The following OPCML variants were observed in gnomAD, a reference collection of about 807,000 sequenced individuals.
OPCML encodes the protein opioid binding protein/cell adhesion molecule like.
Under a neutral mutation model 37.8 loss-of-function variants are expected in OPCML, and 13 were observed. The observed-to-expected ratio is 0.34, with a 90% CI of 0.22 to 0.55. The LOEUF is 0.55. Among genes scored for constraint, OPCML ranks in the 20% least tolerant of loss-of-function variants. OPCML has a pLI of 0.91. For synonymous variants in OPCML, 176 were observed against 168.8 expected, an observed-to-expected ratio of 1.04 and a Z score of -0.33; for missense variants, 341 against 435.6, an observed-to-expected ratio of 0.78 and a Z score of 1.93.
At chr11:132,811,556 T>A (rs1939342716) in intron 2 of OPCML, among the ~76,000 whole-genome samples, 1 of 152,188 alleles carries the variant, frequency 6.6e-6, no homozygotes. Flanking sequence ...CCTCTTTCTT[T>A]CGGTTACGGT....
chr11:132,502,984 G>A (rs140593259), intron 4 of OPCML, among the ~76,000 whole-genome samples: 25 of 152,252 alleles, frequency 1.6e-4, no homozygotes, highest in Non-Finnish European at 7.4e-5. Context: ...GGTGACTGAT[G>A]GGCTCCATTT....
chr11:132,943,205 G>A lies in OPCML; in HGVS notation c.62-195C>T, dbSNP rs1175765286. On this transcript the variant is annotated intron_variant, in intron 1 of 7. Coordinates refer to ENST00000524381, the MANE Select transcript of OPCML (RefSeq NM_001012393.5). This position sits in a 1 kb window ranked among gnomAD's most constrained non-coding sequence, Gnocchi z 4.3. ...GGGGAGGAGGGAAGGGGCAGAGTTC[G>A]CCAGGAGCAGGGGGAAGGAGAAGAG... The A allele has an allele frequency of 1.3e-6, 2 of 1,508,472 alleles. No homozygotes were observed. Among genetic ancestry groups the A allele is most frequent in the East Asian group, 2.3e-5 (1 of 43,220 alleles). 93.4% of individuals were successfully genotyped at this position (1,508,472 alleles called of 1,614,324 possible).
chr11:132,814,565 T>C (rs1377423902), intron 2 of OPCML, among the ~76,000 whole-genome samples: 1 of 152,178 alleles, frequency 6.6e-6, no homozygotes, highest in Admixed American at 6.5e-5. Context: ...ATAGACTGGA[T>C]TGTGACTACT....
At chr11:132,508,821 G>A in intron 4 of OPCML, among the ~76,000 whole-genome samples, 1 of 152,030 alleles carries the variant, frequency 6.6e-6, no homozygotes. Flanking sequence ...CCCAGTCTTG[G>A]GTATGTCTTT....
At chr11:133,307,675 A>T (rs890419171) in intron 1 of OPCML, among the ~76,000 whole-genome samples, 1 of 152,142 alleles carries the variant, frequency 6.6e-6, no homozygotes, top group Non-Finnish European at 1.5e-5. Context: ...TAGGTTTTAG[A>T]TGTTCTTATC....
chr11:132,620,429 T>C (rs1939328876), intron 3 of OPCML, among the ~76,000 whole-genome samples: 1 of 152,224 alleles, frequency 6.6e-6, no homozygotes, highest in Non-Finnish European at 1.5e-5. Flanking sequence ...CTTACTGCTG[T>C]GTCCCTAGAA....
chr11:133,408,450 A>T (rs1388757955), intron 1 of OPCML, among the ~76,000 whole-genome samples: 4 of 152,212 alleles, frequency 2.6e-5, no homozygotes, highest in African/African-American at 9.6e-5. Context: ...GTTTATTGTC[A>T]TGCATTTGGA....
At chr11:133,104,440 A>G (rs531634450) in intron 1 of OPCML, among the ~76,000 whole-genome samples, 4 of 152,336 alleles carry the variant, frequency 2.6e-5, no homozygotes, top group African/African-American at 9.6e-5. Context: ...GGAAAAAAAG[A>G]AGAACATTTT....
At chr11:132,759,063 T>C (rs989754361) in intron 2 of OPCML, among the ~76,000 whole-genome samples, 1 of 152,220 alleles carries the variant, frequency 6.6e-6, no homozygotes, top group Non-Finnish European at 1.5e-5. Flanking sequence ...AATAATCATG[T>C]GGTTTTGTCA....
intron 1 of OPCML, chr11:133,025,583 TTTTAA>T (rs1947538274): frequency 1.9e-6 from 1 of 526,838 alleles, no homozygotes. Context: ...TTTCTTATTA[TTTTAA>T]TTTCATTCTT....
chr11:132,936,286 C>T (rs915928725), intron 2 of OPCML, among the ~76,000 whole-genome samples: 1 of 152,090 alleles, frequency 6.6e-6, no homozygotes, highest in Non-Finnish European at 1.5e-5. Context: ...GGGAGGGGGA[C>T]ATACTATGAA....
intron 1 of OPCML, among the ~76,000 whole-genome samples, chr11:133,507,819 C>T (rs1471084532): frequency 1.3e-5 from 2 of 151,964 alleles, no homozygotes; most frequent in Non-Finnish European, 2.9e-5. Flanking sequence ...TGGTGACGGG[C>T]CCCTGTAATC....
chr11:132,420,681 C>A (rs1449649581), intron 7 of OPCML, among the ~76,000 whole-genome samples: 1 of 152,114 alleles, frequency 6.6e-6, no homozygotes, highest in Non-Finnish European at 1.5e-5. Context: ...TCGGGGGGCA[C>A]AAGGCCAGAG....
At chr11:133,295,926 G>A (rs73600442) in intron 1 of OPCML, among the ~76,000 whole-genome samples, 7,393 of 152,152 alleles carry the variant, frequency 0.049, 206 homozygotes, top group Middle Eastern at 0.071. Context: ...ATTTTGAAAC[G>A]AATATAACAT....
chr11:132,500,568 ATTTT>A lies in OPCML; in HGVS notation c.505+28489_505+28492del, dbSNP rs891706543. On this transcript the variant is annotated intron_variant, in intron 4 of 7. Coordinates refer to ENST00000524381, the MANE Select transcript of OPCML (RefSeq NM_001012393.5). ...ACATGGTTCCCTTTATTTATTATTT[ATTTT>A]GTTTTACTTTAAGTTCTGGGATACA... 3.3e-5 allele frequency among the ~76,000 whole-genome samples: 5 copies of A among 151,994 alleles called. 1 individual carries two copies. Among genetic ancestry groups the A allele is most frequent in the Admixed American group, 2.6e-4 (4 of 15,276 alleles).
intron 2 of OPCML, among the ~76,000 whole-genome samples, chr11:132,816,063 A>T (rs533209918): frequency 1.3e-5 from 2 of 152,334 alleles, no homozygotes; most frequent in African/African-American, 4.8e-5. Context: ...GGCAAGTTGG[A>T]GTCTTGAGGA....
intron 1 of OPCML, among the ~76,000 whole-genome samples, chr11:133,166,448 C>T (rs1950209085): frequency 6.6e-6 from 1 of 152,158 alleles, no homozygotes; most frequent in African/African-American, 2.4e-5. Context: ...GGGAGTCAGG[C>T]CCAGGATGTG....
At chr11:133,319,636 C>A (rs975784337) in intron 1 of OPCML, among the ~76,000 whole-genome samples, 1 of 152,212 alleles carries the variant, frequency 6.6e-6, no homozygotes, top group Admixed American at 6.5e-5. Flanking sequence ...TCTCGGCCCT[C>A]GTCTGCCACA....
chr11:132,961,264 T>C (rs965910597), intron 1 of OPCML, among the ~76,000 whole-genome samples: 1 of 152,150 alleles, frequency 6.6e-6, no homozygotes, highest in Non-Finnish European at 1.5e-5. Context: ...TCTAAGCACA[T>C]TGATGCCGTA....
Sources: gnomAD v4.1 joint callset for allele counts (sites outside exome capture counted in the v4.1 genomes callset) on GRCh38, gnomAD v4.1.1 for gene constraint, Gnocchi (gnomAD v3.1) non-coding constraint, MANE v1.5 for transcripts, NCBI Gene and HGNC (gene_info 2026-07-23, HGNC 2026-07-21) for gene names.